Variants in CORIN observed in about 807,000 individuals in gnomAD.
CORIN encodes the protein atrial natriuretic peptide-converting enzyme.
Under a neutral mutation model 125.3 loss-of-function variants are expected in CORIN, and 117 were observed. The observed-to-expected ratio is 0.93, with a 90% confidence interval of 0.80 to 1.09. CORIN has a LOEUF of 1.09. Among genes scored for constraint, CORIN ranks in the 50% least tolerant of loss-of-function variants. The pLI is 0.00. For synonymous variants in CORIN, 450 were observed against 466.4 expected, an observed-to-expected ratio of 0.96 and a Z score of 0.45; for missense variants, 1,253 against 1,306.7, an observed-to-expected ratio of 0.96 and a Z score of 0.63.
At position 47,770,636 on chromosome 4, in the gene CORIN, A is replaced by G. The variant is rs192878914; in HGVS notation, c.410-7050T>C. Among the ~76,000 whole-genome samples the G allele has an allele frequency of 1.5e-3, 226 of 152,298 alleles. 1 individual carries two copies. Among genetic ancestry groups the G allele is most frequent in the African/African-American group, 4.7e-3 (195 of 41,558 alleles). On this transcript the variant is annotated intron_variant, in intron 3 of 21. Transcript: ENST00000273857. The stretch of plus-strand genomic sequence containing the variant: ...TATGGACTCAATAAAAATGTCCATC[A>G]ATGGATGAATGGATAAAGAACATGT...
At position 47,645,168 on chromosome 4, in the gene CORIN, A is replaced by G. The variant is rs1383584002; in HGVS notation, c.1870T>C (p.Cys624Arg). The G allele has an allele frequency of 1.9e-6, 3 of 1,609,054 alleles. No individual in the cohort carries two copies. Among genetic ancestry groups the G allele is most frequent in the Non-Finnish European group, 2.6e-6 (3 of 1,175,942 alleles). ...TTCAAACATTGTTTATTGGATGGAC[A>G]TTCCCAAAGATCTCTCTCTTTACAA... Reference protein sequence around the residue: ...CGCKERDLWECPSNKQCLKHT... With the variant: ...CGCKERDLWERPSNKQCLKHT... The change falls in exon 14 of 22, where the codon TGT (cysteine) becomes CGT (arginine). Residue 624 changes from cysteine to arginine, a missense_variant. Coordinates refer to ENST00000273857, the MANE Select transcript of CORIN (RefSeq NM_006587.4).
At chr4:47,619,025 G>A (rs1330965750) in intron 19 of CORIN, among the ~76,000 whole-genome samples, 2 of 152,088 alleles carry the variant, frequency 1.3e-5, no homozygotes, top group African/African-American at 4.8e-5. Flanking sequence ...TTCCTGGAGA[G>A]GAATCAGATG....
chr4:47,631,033 G>A (rs898069265), intron 16 of CORIN, among the ~76,000 whole-genome samples: 5 of 152,090 alleles, frequency 3.3e-5, no homozygotes, highest in African/African-American at 1.2e-4. Flanking sequence ...GGGCCGGAGG[G>A]TGCCTATAAA....
chr4:47,722,535 C>A (rs1560520138), intron 5 of CORIN, among the ~76,000 whole-genome samples: 1 of 152,158 alleles, frequency 6.6e-6, no homozygotes, highest in East Asian at 1.9e-4. Context: ...ATCTTGCTAT[C>A]CTGCCTCCTC....
chr4:47,786,682 T>TG, intron 3 of CORIN, 43 bp downstream of exon 3: 1 of 1,508,476 alleles, frequency 6.6e-7, no homozygotes, highest in African/African-American at 1.4e-5. Context: ...AACCTACCTG[T>TG]GGGACATTAA....
intron 8 of CORIN, among the ~76,000 whole-genome samples, chr4:47,679,129 A>G (rs2109708695): frequency 6.6e-6 from 1 of 152,330 alleles, no homozygotes; most frequent in East Asian, 1.9e-4. Flanking sequence ...TAATTAATTC[A>G]AACATGCAAA....
chr4:47,722,904 G>C (rs990860979), intron 5 of CORIN, among the ~76,000 whole-genome samples: 2 of 152,186 alleles, frequency 1.3e-5, no homozygotes, highest in African/African-American at 4.8e-5. Context: ...TAAAGAAAGA[G>C]TAATAAGGAG....
At chr4:47,640,466 G>T (rs1262401713) in intron 16 of CORIN, among the ~76,000 whole-genome samples, 3 of 152,194 alleles carry the variant, frequency 2.0e-5, no homozygotes, top group South Asian at 4.1e-4. Context: ...CAGATTAGTT[G>T]TTACCTGGTC....
At chr4:47,608,763 G>A (rs949340295) in intron 19 of CORIN, among the ~76,000 whole-genome samples, 2 of 151,974 alleles carry the variant, frequency 1.3e-5, no homozygotes, top group African/African-American at 4.8e-5. Flanking sequence ...ACTTACATAT[G>A]TCAGACACAC....
At chr4:47,753,758 A>T (rs1729014764) in intron 4 of CORIN, among the ~76,000 whole-genome samples, 1 of 151,994 alleles carries the variant, frequency 6.6e-6, no homozygotes, top group Admixed American at 6.6e-5. Flanking sequence ...GTTTTTTTTC[A>T]AGGTGCACTG....
intron 11 of CORIN, 47 bp from the exon 12 acceptor site, chr4:47,661,903 T>A (rs377497815): frequency 6.5e-6 from 10 of 1,535,056 alleles, no homozygotes; most frequent in Non-Finnish European, 8.8e-6. Flanking sequence ...AATAGCTCCA[T>A]CTGAGACAGA....
chr4:47,627,728 C>T (rs1197281446), intron 16 of CORIN, among the ~76,000 whole-genome samples: 2 of 152,200 alleles, frequency 1.3e-5, no homozygotes, highest in Non-Finnish European at 2.9e-5. Context: ...TCCTGATAAC[C>T]TGCATCCTGA....
chr4:47,694,585 G>A lies in CORIN; in HGVS notation c.800-1502C>T, dbSNP rs545638330. Among the ~76,000 whole-genome samples the A allele has an allele frequency of 8.7e-4, 133 of 152,190 alleles. 2 individuals carry two copies. The highest frequency in any genetic ancestry group is 3.4e-3 in the Middle Eastern group (1 of 294). ...ATGAACCTTGTTGACTAGTTACAGG[G>A]AATCCAGGAATATGGAACATTTTAA... On this transcript the variant is annotated intron_variant, in intron 5 of 21. Coordinates refer to ENST00000273857, the MANE Select transcript of CORIN (RefSeq NM_006587.4).
intron 5 of CORIN, among the ~76,000 whole-genome samples, chr4:47,704,635 CG>C (rs756736031): frequency 1.3e-5 from 2 of 152,052 alleles, no homozygotes; most frequent in Admixed American, 6.6e-5. Flanking sequence ...GAGCAGATAA[CG>C]GGAAGTCAAA....
intron 21 of CORIN, among the ~76,000 whole-genome samples, chr4:47,598,254 A>G (rs1041921841): frequency 6.6e-6 from 1 of 152,190 alleles, no homozygotes; most frequent in East Asian, 1.9e-4. Flanking sequence ...AAGGAAAATA[A>G]TATCTGTCAT....
chr4:47,608,182 G>T (rs1466201554), intron 19 of CORIN, among the ~76,000 whole-genome samples: 1 of 152,072 alleles, frequency 6.6e-6, no homozygotes, highest in African/African-American at 2.4e-5. Context: ...TTAGCTAGGT[G>T]TGATGGCAGG....
At chr4:47,638,617 G>A (rs754086390) in intron 16 of CORIN, among the ~76,000 whole-genome samples, 10 of 152,300 alleles carry the variant, frequency 6.6e-5, no homozygotes, top group East Asian at 3.9e-4. Context: ...CACCATACAC[G>A]TGAGATGTGA....
chr4:47,837,405 T>G, intron 1 of CORIN: 1 of 242,684 alleles, frequency 4.1e-6, no homozygotes, highest in South Asian at 4.6e-5. Flanking sequence ...GCACAGTCCC[T>G]CCAGCCACCC....
intron 5 of CORIN, chr4:47,706,458 G>A (rs547986582): frequency 1.2e-6 from 2 of 1,611,074 alleles, no homozygotes. Flanking sequence ...GCTGCTGGCA[G>A]TACCGCCAGC....
Sources: allele counts gnomAD v4.1 joint callset (sites outside exome capture counted in the v4.1 genomes callset), GRCh38; gene constraint gnomAD v4.1.1; transcripts MANE v1.5; gene names NCBI Gene and HGNC (gene_info 2026-07-23, HGNC 2026-07-21).